Variants in ALPK1 observed in about 807,000 individuals in gnomAD.
ALPK1 encodes alpha-protein kinase 1.
A neutral mutation model predicts 120.6 loss-of-function variants in ALPK1; 110 were observed. That is an observed-to-expected ratio of 0.91 (90% CI 0.78 to 1.07). ALPK1 has a LOEUF of 1.07. Ranked by LOEUF, ALPK1 falls within the 50% of genes least tolerant of loss-of-function variation. The pLI is 0.00. For missense variants in ALPK1, 1,498 were observed against 1,483.9 expected, an observed-to-expected ratio of 1.01 and a Z score of -0.16; for synonymous variants, 582 against 560.3, an observed-to-expected ratio of 1.04 and a Z score of -0.55.
At chr4:112,374,407 C>T (rs1344060077) in intron 2 of ALPK1, among the ~76,000 whole-genome samples, 1 of 152,212 alleles carries the variant, frequency 6.6e-6, no homozygotes, top group African/African-American at 2.4e-5. Flanking sequence ...GCTACTTCCA[C>T]CACTGAAGTC....
chr4:112,372,956 G>A (rs918597258), intron 2 of ALPK1, among the ~76,000 whole-genome samples: 2 of 152,066 alleles, frequency 1.3e-5, no homozygotes, highest in African/African-American at 2.4e-5. Context: ...CTTTGTGCAC[G>A]AGCTCTTCCT....
intron 1 of ALPK1, among the ~76,000 whole-genome samples, chr4:112,307,794 T>C (rs1171601872): frequency 2.0e-5 from 3 of 152,146 alleles, no homozygotes; most frequent in Non-Finnish European, 4.4e-5. Flanking sequence ...GTCATTATAA[T>C]GTTAGCTGGT....
intron 2 of ALPK1, among the ~76,000 whole-genome samples, chr4:112,327,927 T>C (rs1729186857): frequency 6.6e-6 from 1 of 152,196 alleles, no homozygotes; most frequent in African/African-American, 2.4e-5. Flanking sequence ...TACGCAGTAA[T>C]AGTCATCAGT....
rs190899904 is a variant in ALPK1, at chr4:112,374,768, T to C, written c.-100-2910T>C. On this transcript the variant is annotated intron_variant, in intron 2 of 15. Coordinates refer to ENST00000650871, the MANE Select transcript of ALPK1 (RefSeq NM_025144.4). ...GTACATCTCAATCAGAGCTCTTGAG[T>C]GACCAGGTACACTGTCAATGAGCAG... Among the ~76,000 whole-genome samples the C allele has an allele frequency of 2.4e-3, 359 of 152,298 alleles. 1 individual carries two copies. The highest frequency in any genetic ancestry group is 3.8e-3 in the Non-Finnish European group (258 of 68,018).
chr4:112,349,555 C>CCG (rs1553939373), intron 2 of ALPK1, among the ~76,000 whole-genome samples: 5 of 142,678 alleles, frequency 3.5e-5, no homozygotes, highest in Admixed American at 2.8e-4. Flanking sequence ...ACCCCTGCCC[C>CCG]CCCCCGCTTT....
At chr4:112,433,114 T>C in intron 11 of ALPK1, among the ~76,000 whole-genome samples, 1 of 152,228 alleles carries the variant, frequency 6.6e-6, no homozygotes, top group East Asian at 1.9e-4. Flanking sequence ...CAGAGACTTT[T>C]TACACCTGTC....
intron 5 of ALPK1, chr4:112,415,211 A>G (rs1402551676): frequency 2.0e-5 from 3 of 152,218 alleles, no homozygotes; most frequent in East Asian, 3.8e-4. Flanking sequence ...AAGAAAAAAA[A>G]ATTGTTCAGG....
chr4:112,385,729 AATCTGGTCGATTTCAATATT>A (rs1732124538), intron 4 of ALPK1, among the ~76,000 whole-genome samples: 1 of 152,156 alleles, frequency 6.6e-6, no homozygotes, highest in African/African-American at 2.4e-5. Flanking sequence ...ATTGTATCCC[AATCTGGTCGATTTCAATATT>A]AGAGTTTGTC....
chr4:112,376,517 T>A (rs1275983292), intron 2 of ALPK1, among the ~76,000 whole-genome samples: 1 of 152,192 alleles, frequency 6.6e-6, no homozygotes, highest in African/African-American at 2.4e-5. Flanking sequence ...TTTCTGCTCC[T>A]GCTAAGTCAC....
chr4:112,358,793 C>A, intron 2 of ALPK1: 1 of 829,456 alleles, frequency 1.2e-6, no homozygotes, highest in Non-Finnish European at 2.2e-6. Flanking sequence ...TCATGGTGGC[C>A]ATGAAGTAGG....
intron 11 of ALPK1, 124 bp downstream of exon 11, chr4:112,432,705 GT>G (rs1478824642): frequency 1.1e-6 from 1 of 899,024 alleles, no homozygotes; most frequent in Non-Finnish European, 1.7e-6. Context: ...TGCTTTGTGA[GT>G]TCACAGAGAA....
At chr4:112,344,614 G>A (rs1273073413) in intron 2 of ALPK1, among the ~76,000 whole-genome samples, 3 of 152,226 alleles carry the variant, frequency 2.0e-5, no homozygotes, top group African/African-American at 4.8e-5. Context: ...ATTCAGGACT[G>A]TGTAAGTAGG....
intron 5 of ALPK1, among the ~76,000 whole-genome samples, chr4:112,422,481 C>T (rs149025760): frequency 2.0e-5 from 3 of 152,230 alleles, no homozygotes; most frequent in South Asian, 2.1e-4. Context: ...TTTACAACAC[C>T]GTATAATGTC....
chr4:112,411,551 ATTG>A, intron 4 of ALPK1, among the ~76,000 whole-genome samples: 1 of 152,270 alleles, frequency 6.6e-6, no homozygotes, highest in African/African-American at 2.4e-5. Flanking sequence ...GCGCTTTAGT[ATTG>A]TTTGAGTTTT....
intron 11 of ALPK1, among the ~76,000 whole-genome samples, chr4:112,433,930 C>T (rs992511607): frequency 6.6e-6 from 1 of 152,138 alleles, no homozygotes; most frequent in Non-Finnish European, 1.5e-5. Context: ...TTCTTATCAC[C>T]TCTCTGGTGA....
rs112978576 is a variant in ALPK1 at position 112,330,711 on chromosome 4, G to A, written c.-101+14859G>A. Reference sequence around the variant, plus strand: ...TACCCATGCCTTATGTCTTCCAGCCGGCTCTAAAACAGAATGTGTAATAGA... The same window carrying A: ...TACCCATGCCTTATGTCTTCCAGCCAGCTCTAAAACAGAATGTGTAATAGA... On this transcript the variant is annotated intron_variant, in intron 2 of 15. Coordinates refer to ENST00000650871, the MANE Select transcript of ALPK1 (RefSeq NM_025144.4). Among the ~76,000 whole-genome samples, 53 of 152,172 alleles carry A rather than the reference G, an allele frequency of 3.5e-4. 1 individual carries two copies. The highest frequency in any genetic ancestry group is 1.0e-3 in the African/African-American group (42 of 41,494).
At chr4:112,430,158 C>T (rs1054985849) in intron 10 of ALPK1, among the ~76,000 whole-genome samples, 30 of 152,136 alleles carry the variant, frequency 2.0e-4, no homozygotes, top group African/African-American at 5.3e-4. Flanking sequence ...ACAAGCCTAT[C>T]GTCTTTAATC....
chr4:112,438,877 A>G (rs1734904238), intron 13 of ALPK1, among the ~76,000 whole-genome samples: 1 of 152,170 alleles, frequency 6.6e-6, no homozygotes, highest in South Asian at 2.1e-4. Context: ...ACCCCTTGCA[A>G]CCAAGTGATT....
At chr4:112,344,210 G>A (rs1323832332) in intron 2 of ALPK1, among the ~76,000 whole-genome samples, 1 of 152,156 alleles carries the variant, frequency 6.6e-6, no homozygotes, top group Non-Finnish European at 1.5e-5. Context: ...CTAGCAAGTG[G>A]CACTGCCATG....
Sources: gnomAD v4.1 joint callset for allele counts (sites outside exome capture counted in the v4.1 genomes callset) on GRCh38, gnomAD v4.1.1 for gene constraint, MANE v1.5 for transcripts, NCBI Gene and HGNC (gene_info 2026-07-23, HGNC 2026-07-21) for gene names.